Variants in MACROH2A2 observed in about 807,000 individuals in gnomAD.
MACROH2A2 encodes macroH2A.2 histone, also known as core histone macro-H2A.2.
MACROH2A2 carries 6 observed loss-of-function variants against 37.6 expected under a neutral mutation model. That is an observed-to-expected ratio of 0.16 (90% CI 0.09 to 0.32). MACROH2A2 has a LOEUF of 0.32. MACROH2A2 is among the 10% of genes least tolerant of loss of function. The probability of loss-of-function intolerance (pLI) is 1.00; values close to 1 mark genes in which losing one functional copy is unlikely to be tolerated. For missense variants in MACROH2A2, 290 were observed against 485.9 expected, an observed-to-expected ratio of 0.60 and a Z score of 3.79; for synonymous variants, 192 against 202.7, an observed-to-expected ratio of 0.95 and a Z score of 0.45.
intron 2 of MACROH2A2, among the ~76,000 whole-genome samples, chr10:70,085,265 C>T (rs1463581686): frequency 1.3e-5 from 2 of 152,168 alleles, no homozygotes; most frequent in Non-Finnish European, 2.9e-5. Flanking sequence ...TTTTGCTTTA[C>T]CTGTGAAGCC....
chr10:70,062,142 A>T (rs1166556838), intron 1 of MACROH2A2, among the ~76,000 whole-genome samples: 2 of 152,138 alleles, frequency 1.3e-5, no homozygotes, highest in African/African-American at 4.8e-5. Flanking sequence ...GGAAGCTAAG[A>T]TTTTTTTCAT....
chr10:70,109,348 C>G, intron 8 of MACROH2A2, 141 bp downstream of exon 8: 1 of 698,492 alleles, frequency 1.4e-6, no homozygotes, highest in Non-Finnish European at 2.4e-6. Context: ...GCAGGAAACC[C>G]GGTTTTCATC....
At chr10:70,065,269 G>T (rs2072072935) in intron 1 of MACROH2A2, among the ~76,000 whole-genome samples, 1 of 152,016 alleles carries the variant, frequency 6.6e-6, no homozygotes, top group Non-Finnish European at 1.5e-5. Flanking sequence ...TAGAGGCAGG[G>T]TTTCACCATG....
intron 7 of MACROH2A2, among the ~76,000 whole-genome samples, chr10:70,106,519 G>A (rs879433868): frequency 2.0e-5 from 3 of 152,118 alleles, no homozygotes; most frequent in Admixed American, 6.5e-5. Flanking sequence ...ATTTAAAAAT[G>A]ACTTTTGGCT....
At chr10:70,073,040 T>A (rs1017256679) in intron 1 of MACROH2A2, among the ~76,000 whole-genome samples, 2 of 152,182 alleles carry the variant, frequency 1.3e-5, no homozygotes, top group African/African-American at 4.8e-5. Context: ...ACCACCGTCA[T>A]ATGCGGTCAT....
intron 1 of MACROH2A2, among the ~76,000 whole-genome samples, chr10:70,062,619 G>A (rs563577619): frequency 3.3e-5 from 5 of 152,270 alleles, no homozygotes; most frequent in South Asian, 2.1e-4. Context: ...AAGCCGTCTC[G>A]TGAGTCTAGA....
chr10:70,072,378 T>C (rs1055911454), intron 1 of MACROH2A2, among the ~76,000 whole-genome samples: 2 of 152,132 alleles, frequency 1.3e-5, no homozygotes, highest in African/African-American at 4.8e-5. Flanking sequence ...TCTTGTCCAC[T>C]GGAAAGTCTT....
intron 5 of MACROH2A2, among the ~76,000 whole-genome samples, chr10:70,094,778 G>T (rs988066179): frequency 3.9e-5 from 6 of 152,148 alleles, no homozygotes; most frequent in Non-Finnish European, 7.4e-5. Flanking sequence ...ACTCTACTGT[G>T]AACACATAGG....
At chr10:70,104,362 G>GAAAAAAAAAA (rs869029665) in intron 7 of MACROH2A2, among the ~76,000 whole-genome samples, 1 of 123,392 alleles carries the variant, frequency 8.1e-6, no homozygotes. Flanking sequence ...GGACAGAGAG[G>GAAAAAAAAAA]AAAAAAAAAA....
At chr10:70,091,227 T>C (rs188129674) in intron 3 of MACROH2A2, among the ~76,000 whole-genome samples, 2 of 152,356 alleles carry the variant, frequency 1.3e-5, no homozygotes, top group African/African-American at 4.8e-5. Context: ...TCCCTTCTAT[T>C]TTGCTTTACT....
At chr10:70,083,661 A>G (rs1458533412) in intron 2 of MACROH2A2, among the ~76,000 whole-genome samples, 1 of 151,668 alleles carries the variant, frequency 6.6e-6, no homozygotes, top group Non-Finnish European at 1.5e-5. Context: ...GATTCTATGG[A>G]CTGACTGGCT....
intron 1 of MACROH2A2, among the ~76,000 whole-genome samples, chr10:70,068,483 T>C (rs1262665897): frequency 6.6e-6 from 1 of 152,194 alleles, no homozygotes; most frequent in East Asian, 1.9e-4. Flanking sequence ...CACAATGAAT[T>C]ACAAATAGGA....
chr10:70,108,162 C>G (rs1329500826), intron 7 of MACROH2A2, among the ~76,000 whole-genome samples: 4 of 152,120 alleles, frequency 2.6e-5, no homozygotes, highest in African/African-American at 9.6e-5. Flanking sequence ...GAGCTGAGAT[C>G]GCACCACTGC....
rs1266734070 is a variant in MACROH2A2, at chr10:70,075,715, A to G, written c.57A>G (p.Ala19=). The stretch of plus-strand genomic sequence containing the variant: ...CCAAGCTGTCCCGTTCAGCTAGGGC[A>G]GGTGTCATCTTTCCAGTGGGGAGGC... ...KMSKLSRSAR[A]GVIFPVGRLM... is the part of the protein sequence containing the mutation. Residue 19 remains alanine (A), a synonymous_variant, in exon 2 of 9, where the codon GCA becomes GCG. Coordinates refer to ENST00000373255, the MANE Select transcript of MACROH2A2 (RefSeq NM_018649.3). This position sits in a 1 kb window ranked among gnomAD's most constrained non-coding sequence, Gnocchi z 5.0. 1 of 1,614,182 alleles carries G rather than the reference A, an allele frequency of 6.2e-7. No individual in the cohort carries two copies. The highest frequency in any genetic ancestry group is 1.7e-5 in the Admixed American group (1 of 60,034).
chr10:70,093,730 G>A lies in MACROH2A2; in HGVS notation c.478-5G>A, dbSNP rs193036230. ...CTCATCTTGCCTTTTGATTTTTACC[G>A]ACAGTCCAAACCAAAGGACAGCGAT... On this transcript the variant is annotated splice_polypyrimidine_tract_variant and splice_region_variant and intron_variant, in intron 4 of 8. Coordinates refer to ENST00000373255, the MANE Select transcript of MACROH2A2 (RefSeq NM_018649.3). The A allele has an allele frequency of 2.6e-5, 40 of 1,553,636 alleles. No individual in the cohort carries two copies. The highest frequency in any genetic ancestry group is 1.2e-4 in the African/African-American group (9 of 73,794).
rs1317755076 is a variant in MACROH2A2, at chr10:70,107,666, G to A, written c.779-1367G>A. ...GGGGAGTAAACAGTAAAACAAAGGA[G>A]TATGACAGAAATTGTGAGACAAGGC... On this transcript the variant is annotated intron_variant, in intron 7 of 8. Transcript: ENST00000373255. This position sits in a 1 kb window ranked among gnomAD's most constrained non-coding sequence, Gnocchi z 4.4. Among the ~76,000 whole-genome samples, 1 of 152,196 alleles carries A rather than the reference G, an allele frequency of 6.6e-6. No individual in the cohort carries two copies. Among genetic ancestry groups the A allele is most frequent in the Admixed American group, 6.5e-5 (1 of 15,288 alleles).
At chr10:70,093,971 AT>A in intron 5 of MACROH2A2, 126 bp downstream of exon 5, 1 of 586,006 alleles carries the variant, frequency 1.7e-6, no homozygotes, top group Non-Finnish European at 3.1e-6. Context: ...TGAATTATTC[AT>A]TTTTAAACTA....
intron 2 of MACROH2A2, among the ~76,000 whole-genome samples, chr10:70,086,880 A>G (rs1200141172): frequency 1.3e-5 from 2 of 152,202 alleles, no homozygotes; most frequent in Non-Finnish European, 2.9e-5. Context: ...AGAGCTGCAC[A>G]TTTTAACCCA....
intron 1 of MACROH2A2, among the ~76,000 whole-genome samples, chr10:70,068,535 G>A (rs1263811006): frequency 6.6e-6 from 1 of 152,186 alleles, no homozygotes; most frequent in Admixed American, 6.5e-5. Flanking sequence ...CCAGACCTTG[G>A]AGTCAGATTG....
Sources: allele counts gnomAD v4.1 joint callset (sites outside exome capture counted in the v4.1 genomes callset), GRCh38; gene constraint gnomAD v4.1.1; non-coding constraint Gnocchi (gnomAD v3.1); transcripts MANE v1.5; gene names NCBI Gene and HGNC (gene_info 2026-07-23, HGNC 2026-07-21).